The following LINGO2 variants were observed in gnomAD, a reference collection of about 807,000 sequenced individuals.
LINGO2 encodes leucine rich repeat and Ig domain containing 2.
In LINGO2, 14 loss-of-function variants were observed where a neutral mutation model predicts 30.6. The ratio of observed to expected loss-of-function variants is 0.46; its 90% CI spans 0.30 to 0.72. The LOEUF is 0.72. Ranked by LOEUF, LINGO2 falls within the 30% of genes least tolerant of loss-of-function variation. LINGO2 has a pLI of 0.07. For synonymous variants in LINGO2, 317 were observed against 288.5 expected, an observed-to-expected ratio of 1.10 and a Z score of -1.00; for missense variants, 729 against 751.7, an observed-to-expected ratio of 0.97 and a Z score of 0.35.
chr9:28,422,589 A>G (rs1032582283), intron 2 of LINGO2, among the ~76,000 whole-genome samples: 1 of 152,076 alleles, frequency 6.6e-6, no homozygotes, highest in Admixed American at 6.6e-5. Context: ...GTAAAATGGT[A>G]CAGCTGCAAT....
chr9:28,525,764 G>T (rs986730383), intron 1 of LINGO2, among the ~76,000 whole-genome samples: 2 of 151,686 alleles, frequency 1.3e-5, no homozygotes, highest in African/African-American at 4.8e-5. Flanking sequence ...TTTTTAAAAC[G>T]CCATTGAAGG....
At chr9:28,322,816 ATGTT>A (rs1354821587) in intron 3 of LINGO2, among the ~76,000 whole-genome samples, 1 of 152,206 alleles carries the variant, frequency 6.6e-6, no homozygotes, top group Admixed American at 6.5e-5. Context: ...CAAAGACACA[ATGTT>A]TATTTATTGT....
At chr9:28,513,375 T>C (rs1249163933) in intron 1 of LINGO2, among the ~76,000 whole-genome samples, 4 of 152,204 alleles carry the variant, frequency 2.6e-5, no homozygotes, top group Non-Finnish European at 5.9e-5. Flanking sequence ...CTTAGCACAA[T>C]ATCTGAAATC....
the LINGO2 span, among the ~76,000 whole-genome samples, chr9:28,943,568 TAAGA>T: frequency 6.6e-6 from 1 of 152,202 alleles, no homozygotes; most frequent in African/African-American, 2.4e-5. Flanking sequence ...TGAATGCTGT[TAAGA>T]AAGGCAAGGA....
At chr9:28,997,746 C>G in the LINGO2 span, among the ~76,000 whole-genome samples, 1 of 152,010 alleles carries the variant, frequency 6.6e-6, no homozygotes, top group African/African-American at 2.4e-5. Flanking sequence ...TGGCATGAAC[C>G]CAGGAGGCAC....
At chr9:28,179,179 A>G (rs975136004) in intron 4 of LINGO2, among the ~76,000 whole-genome samples, 3 of 150,864 alleles carry the variant, frequency 2.0e-5, no homozygotes, top group Non-Finnish European at 3.0e-5. Flanking sequence ...TATTTATAGC[A>G]TAGCTAATAG....
At chr9:28,936,644 T>C in the LINGO2 span, among the ~76,000 whole-genome samples, 178 of 152,290 alleles carry the variant, frequency 1.2e-3, no homozygotes, top group Non-Finnish European at 1.8e-3. Flanking sequence ...ATTTGTAAAA[T>C]TGTGTTAATA....
chr9:27,960,609 T>C (rs1369834233), intron 5 of LINGO2, among the ~76,000 whole-genome samples: 1 of 144,144 alleles, frequency 6.9e-6, no homozygotes, highest in Non-Finnish European at 1.5e-5. Context: ...GTTTTTGTGG[T>C]ATATCTTTTT....
chr9:29,103,584 T>C, the LINGO2 span, among the ~76,000 whole-genome samples: 15 of 152,262 alleles, frequency 9.9e-5, no homozygotes, highest in East Asian at 1.9e-3. Context: ...ATTTTAGGTA[T>C]TTAAATACTT....
At chr9:28,119,739 G>T (rs545796807) in intron 4 of LINGO2, among the ~76,000 whole-genome samples, 4 of 152,096 alleles carry the variant, frequency 2.6e-5, no homozygotes, top group South Asian at 2.1e-4. Flanking sequence ...CAGAGGGCTT[G>T]GTTAATTAAA....
At chr9:28,675,397 C>A in the LINGO2 span, among the ~76,000 whole-genome samples, 1 of 151,974 alleles carries the variant, frequency 6.6e-6, no homozygotes, top group Admixed American at 6.6e-5. Context: ...TTCAATATTT[C>A]GTGATTGTTA....
intron 5 of LINGO2, among the ~76,000 whole-genome samples, chr9:27,980,189 C>A (rs995933717): frequency 6.6e-6 from 1 of 151,894 alleles, no homozygotes; most frequent in Non-Finnish European, 1.5e-5. Flanking sequence ...AGTAATGAAG[C>A]CAGTCTTAAA....
At chr9:28,670,378 G>T (rs1431884477), upstream of LINGO2, 1 of 151,976 alleles carries the variant, frequency 6.6e-6, no homozygotes, top group Non-Finnish European at 1.5e-5. Context: ...TCACTCTACT[G>T]CCTTTTTAAA....
the LINGO2 span, among the ~76,000 whole-genome samples, chr9:28,754,013 CACAA>C: frequency 1.3e-5 from 1 of 79,698 alleles, no homozygotes. Context: ...AATACACACA[CACAA>C]ACACACACAC....
chr9:28,315,864 G>T (rs1824825637), intron 3 of LINGO2, among the ~76,000 whole-genome samples: 1 of 152,092 alleles, frequency 6.6e-6, no homozygotes, highest in South Asian at 2.1e-4. Context: ...TTAGTATAGG[G>T]TATAATAATA....
chr9:29,197,139 G>C, the LINGO2 span, among the ~76,000 whole-genome samples: 1 of 151,984 alleles, frequency 6.6e-6, no homozygotes, highest in Non-Finnish European at 1.5e-5. Flanking sequence ...TGTAATAGTA[G>C]TCACACTCTA....
the LINGO2 span, among the ~76,000 whole-genome samples, chr9:28,848,386 T>TGC: frequency 1.7e-5 from 1 of 59,330 alleles, no homozygotes; most frequent in East Asian, 5.1e-4. Context: ...TGTGTGTGTG[T>TGC]GTGTGTGTGT....
At chr9:29,012,821 T>C in the LINGO2 span, among the ~76,000 whole-genome samples, 2 of 152,186 alleles carry the variant, frequency 1.3e-5, no homozygotes, top group East Asian at 1.9e-4. Flanking sequence ...TTTGTTAGTT[T>C]GATTTGGAAA....
chr9:28,379,201 A>T (rs1821243128), intron 2 of LINGO2, among the ~76,000 whole-genome samples: 1 of 152,162 alleles, frequency 6.6e-6, no homozygotes, highest in Non-Finnish European at 1.5e-5. Context: ...AAGTATAGTC[A>T]GCATGAAGCC....
Sources: allele counts gnomAD v4.1 joint callset (sites outside exome capture counted in the v4.1 genomes callset), GRCh38; gene constraint gnomAD v4.1.1; transcripts MANE v1.5; gene names NCBI Gene and HGNC (gene_info 2026-07-23, HGNC 2026-07-21).